Variants in USP26 observed in about 807,000 individuals in gnomAD.
USP26 encodes the protein ubiquitin carboxyl-terminal hydrolase 26.
For missense variants in USP26, 649 were observed against 642.3 expected (o/e 1.01, Z -0.11); for synonymous variants, 236 against 240.6 (o/e 0.98, Z 0.18).
intron 5 of USP26, among the ~76,000 whole-genome samples, chrX:133,037,691 G>GT (rs766170674): frequency 8.9e-6 from 1 of 112,042 alleles, no homozygotes; most frequent in Non-Finnish European, 1.9e-5. Flanking sequence ...GTTTAAGGAA[G>GT]TTTTTTCTAG....
intron 4 of USP26, among the ~76,000 whole-genome samples, chrX:133,084,722 T>G (rs772481377): frequency 9.1e-6 from 1 of 110,329 alleles, no homozygotes; most frequent in African/African-American, 3.3e-5. Flanking sequence ...TGTGTAAGTG[T>G]CTTTTGTCCC....
intron 5 of USP26, among the ~76,000 whole-genome samples, chrX:133,074,903 T>C (rs2067542617): frequency 8.9e-6 from 1 of 112,196 alleles, no homozygotes. Flanking sequence ...AACCAATAGA[T>C]TGTCAAGTCC....
Position 133,041,974 on chromosome X carries a change from G to A in USP26, c.-76-13678C>T, listed in dbSNP as rs938022460. Among the ~76,000 whole-genome samples, 14 of 112,141 alleles carry A rather than the reference G, an allele frequency of 1.2e-4. 1 individual carries two copies. Among genetic ancestry groups the A allele is most frequent in the African/African-American group, 4.2e-4 (13 of 30,849 alleles). ...ATTTTGCCACACTGTGGTGAATTCTGCCCAGTCCAAATCTTCCAGTCTCCT... is the reference window on the plus strand; with the variant it reads ...ATTTTGCCACACTGTGGTGAATTCTACCCAGTCCAAATCTTCCAGTCTCCT... On this transcript the variant is annotated intron_variant, in intron 5 of 5. Transcript: ENST00000511190.
chrX:133,047,141 G>T (rs1351951020), intron 5 of USP26, among the ~76,000 whole-genome samples: 1 of 111,497 alleles, frequency 9.0e-6, no homozygotes, highest in East Asian at 2.8e-4. Flanking sequence ...TACTTGCCCC[G>T]AATGAACCCA....
At chrX:133,067,141 T>A (rs1338783185) in intron 5 of USP26, among the ~76,000 whole-genome samples, 1 of 112,595 alleles carries the variant, frequency 8.9e-6, no homozygotes, top group African/African-American at 3.2e-5. Context: ...TCATCACTGG[T>A]CATTAGAGAA....
At chrX:133,046,159 A>G (rs2067439449) in intron 5 of USP26, among the ~76,000 whole-genome samples, 1 of 111,612 alleles carries the variant, frequency 9.0e-6, no homozygotes, top group Non-Finnish European at 1.9e-5. Flanking sequence ...CTGTGGATCA[A>G]TCAGGGGTTG....
At chrX:133,082,229 G>A (rs1480653678) in intron 5 of USP26, among the ~76,000 whole-genome samples, 1 of 111,840 alleles carries the variant, frequency 8.9e-6, no homozygotes, top group Non-Finnish European at 1.9e-5. Context: ...ACAAAAAGCC[G>A]CTGTTCACAG....
In USP26 at chrX:133,064,651, G is replaced by C. The variant is rs181272407; in HGVS notation, c.-77+19056C>G. Among the ~76,000 whole-genome samples, 8 of 111,884 alleles carry C rather than the reference G, an allele frequency of 7.2e-5. No individual in the cohort carries two copies. In the East Asian group the frequency reaches 1.7e-3, roughly 24 times the overall value. On this transcript the variant is annotated intron_variant, in intron 5 of 5. Coordinates refer to ENST00000511190, the MANE Select transcript of USP26 (RefSeq NM_031907.3). The stretch of plus-strand genomic sequence containing the variant: ...CTAGGTAGATAATGAAATGAAGGCA[G>C]AAATATCAAAGTTCTTTGAAACCAA...
rs777285477 is a variant in USP26 at position 133,026,787 on chromosome X, A to C, written c.1434T>G (p.Ser478=). 5.8e-6 allele frequency: 7 copies of C among 1,209,360 alleles called. No individual in the cohort carries two copies. The Admixed American group carries it at 6.6e-5, about 11-fold the overall frequency. The change falls in exon 6 of 6, where the codon TCT becomes TCG. Residue 478 remains serine, a synonymous_variant. Coordinates refer to ENST00000511190, the MANE Select transcript of USP26 (RefSeq NM_031907.3). Reference sequence around the variant, plus strand: ...AAAAAAGATCAAAAGTAGACTGAATAGATGAAGGATGTGCTTTTATTCTTT... The same window carrying C: ...AAAAAAGATCAAAAGTAGACTGAATCGATGAAGGATGTGCTTTTATTCTTT... ...LPQRIKAHPS[S]IQSTFDLFFG...
rs756720175 is a variant in USP26 at position 133,027,568 on chromosome X, C to T, written c.653G>A (p.Arg218Gln). The T allele has an allele frequency of 8.3e-6, 10 of 1,207,045 alleles. No homozygotes were observed. Among genetic ancestry groups the T allele is most frequent in the South Asian group, 7.1e-5 (4 of 56,630 alleles). The change falls in exon 6 of 6, where the codon CGA becomes CAA. Residue 218 changes from arginine to glutamine, a missense_variant. Arg to Gln is a conservative substitution (Grantham distance 43, BLOSUM62 1). Coordinates refer to ENST00000511190, the MANE Select transcript of USP26 (RefSeq NM_031907.3). ...ADCSRCVSYN[R>Q]EKQLKLKELE... ...CTCTTTTAACTTCAATTGTTTCTCT[C>T]GATTATAGCTTACACACCTCGAACA...
At chrX:133,060,429 G>C (rs1036174053) in intron 5 of USP26, among the ~76,000 whole-genome samples, 4 of 110,773 alleles carry the variant, frequency 3.6e-5, no homozygotes, top group African/African-American at 1.3e-4. Flanking sequence ...TTTCTTCCTG[G>C]ATAGCAAAAA....
intron 5 of USP26, among the ~76,000 whole-genome samples, chrX:133,032,932 A>G (rs1164661692): frequency 9.0e-6 from 1 of 111,134 alleles, no homozygotes; most frequent in Admixed American, 9.6e-5. Flanking sequence ...TTCTTCTCCT[A>G]TTCTCCTCCC....
intron 5 of USP26, among the ~76,000 whole-genome samples, chrX:133,043,611 A>G (rs1173357797): frequency 8.9e-6 from 1 of 112,508 alleles, no homozygotes; most frequent in African/African-American, 3.2e-5. Flanking sequence ...CTTGTCCCAT[A>G]TCAAGTGCTT....
rs748801636 is a variant in USP26 at position 133,027,233 on chromosome X, A to T, written c.988T>A (p.Trp330Arg). Residue 330 changes from tryptophan to arginine, a missense_variant, in exon 6 of 6, where the codon TGG (tryptophan) becomes AGG (arginine). Physicochemically the swap from Trp to Arg is moderately radical, Grantham distance 101. Transcript: ENST00000511190. Reference protein sequence around the residue: ...ADDLLNQSFPWGKIPLNALTM... With the variant: ...ADDLLNQSFPRGKIPLNALTM... ...AGAGCATTAAGGGGAATTTTACCCC[A>T]TGGGAAACTCTGATTAAGTAAATCA... 1 of 1,210,882 alleles carries T rather than the reference A, an allele frequency of 8.3e-7. No homozygotes were observed. Among genetic ancestry groups the T allele is most frequent in the Non-Finnish European group, 1.1e-6 (1 of 894,698 alleles).
At chrX:133,061,806 C>T (rs755417335) in intron 5 of USP26, among the ~76,000 whole-genome samples, 4 of 111,772 alleles carry the variant, frequency 3.6e-5, no homozygotes, top group Non-Finnish European at 7.5e-5. Flanking sequence ...TCAGGAGATT[C>T]CCTCTGTGCT....
chrX:133,087,094 C>T (rs1283983371), intron 4 of USP26, among the ~76,000 whole-genome samples: 1 of 110,623 alleles, frequency 9.0e-6, no homozygotes, highest in Non-Finnish European at 1.9e-5. Context: ...AAAGTGTTTT[C>T]AGTCTTTATT....
At chrX:133,067,024 A>C (rs749579632) in intron 5 of USP26, among the ~76,000 whole-genome samples, 3 of 112,398 alleles carry the variant, frequency 2.7e-5, no homozygotes, top group Non-Finnish European at 5.6e-5. Flanking sequence ...AAACACATTT[A>C]CAAGAAAAAA....
At chrX:133,075,985 G>A (rs1452862220) in intron 5 of USP26, among the ~76,000 whole-genome samples, 2 of 111,800 alleles carry the variant, frequency 1.8e-5, no homozygotes, top group East Asian at 2.8e-4. Context: ...ACCAAAGTCT[G>A]AGAGTTTAGG....
chrX:133,024,278 T>TAAA lies in USP26; in HGVS notation c.*1198_*1200dup, dbSNP rs757477545. Among the ~76,000 whole-genome samples, 1 of 95,636 alleles carries TAAA rather than the reference T, an allele frequency of 1.0e-5. No individual in the cohort carries two copies. The highest frequency in any genetic ancestry group is 3.8e-5 in the African/African-American group (1 of 26,248). The allele number at this position is 95,636 out of a possible 115,157, so 83.0% of individuals were successfully genotyped here. ...CACCACACTATAAGGTACAGAGATG[T>TAAA]AAAAAAAAAAAAAAAATCTGGAATT... On this transcript the variant is annotated 3_prime_UTR_variant, in exon 6 of 6. Coordinates refer to ENST00000511190, the MANE Select transcript of USP26 (RefSeq NM_031907.3).
Sources: gnomAD v4.1 joint callset for allele counts (sites outside exome capture counted in the v4.1 genomes callset) on GRCh38, gnomAD v4.1.1 for gene constraint, MANE v1.5 for transcripts, NCBI Gene and HGNC (gene_info 2026-07-23, HGNC 2026-07-21) for gene names.